PBRM1: variants seen among roughly 807,000 people sequenced by gnomAD.
PBRM1 encodes the protein polybromo 1, also known as protein polybromo-1.
In PBRM1, 27 loss-of-function variants were observed where a neutral mutation model predicts 194.5. That is an observed-to-expected ratio of 0.14 (90% CI 0.10 to 0.19). PBRM1 has a LOEUF of 0.19. Among genes scored for constraint, PBRM1 ranks in the 10% least tolerant of loss-of-function variants. The probability of loss-of-function intolerance (pLI) is 1.00; values close to 1 mark genes in which losing one functional copy is unlikely to be tolerated. For missense variants in PBRM1, 1,466 were observed against 2,077.2 expected, an observed-to-expected ratio of 0.71 and a Z score of 5.72; for synonymous variants, 655 against 693.2, an observed-to-expected ratio of 0.94 and a Z score of 0.87.
rs139020028 is a variant in PBRM1 at position 52,654,813 on chromosome 3, G to C, written c.646-3003C>G. On this transcript the variant is annotated intron_variant, in intron 5 of 29. Coordinates refer to ENST00000296302, the Ensembl canonical transcript of PBRM1. Reference sequence around the variant, plus strand: ...GAGCGAGAGAGAGAAAAAGAGACGGGGTCTCTTTCTGTTGCCTAGGTTGGA... The same window carrying C: ...GAGCGAGAGAGAGAAAAAGAGACGGCGTCTCTTTCTGTTGCCTAGGTTGGA... Among the ~76,000 whole-genome samples, 4 of 152,078 alleles carry C rather than the reference G, an allele frequency of 2.6e-5. No homozygotes were observed. In the East Asian group the frequency reaches 5.8e-4, roughly 22 times the overall value.
chr3:52,674,172 A>G (rs2097026731), intron 2 of PBRM1, among the ~76,000 whole-genome samples: 1 of 151,786 alleles, frequency 6.6e-6, no homozygotes, highest in Non-Finnish European at 1.5e-5. Flanking sequence ...ATTGGTAAAC[A>G]CTTAGCTAGA....
intron 22 of PBRM1, among the ~76,000 whole-genome samples, chr3:52,566,053 AC>A (rs1477402947): frequency 5.8e-5 from 4 of 68,930 alleles, no homozygotes; most frequent in Non-Finnish European, 1.2e-4. Flanking sequence ...CTGTCTCAAA[AC>A]AAAACAAAAC....
At chr3:52,602,463 G>C (rs1264182688) in intron 17 of PBRM1, among the ~76,000 whole-genome samples, 1 of 152,196 alleles carries the variant, frequency 6.6e-6, no homozygotes, top group Admixed American at 6.5e-5. Context: ...CTCTTCACCA[G>C]GTTCTTTTGC....
intron 20 of PBRM1, among the ~76,000 whole-genome samples, chr3:52,580,525 ATT>A (rs376107891): frequency 2.7e-5 from 4 of 149,310 alleles, no homozygotes; most frequent in African/African-American, 9.8e-5. Context: ...TGCCCAGCTA[ATT>A]TTTTTTTTGT....
intron 26 of PBRM1, among the ~76,000 whole-genome samples, chr3:52,555,550 C>T (rs1212541825): frequency 6.6e-6 from 1 of 152,184 alleles, no homozygotes; most frequent in African/African-American, 2.4e-5. Flanking sequence ...AACCTAAACA[C>T]TCCCAACCAA....
exon 9 of PBRM1, chr3:52,643,332 T>A: frequency 6.2e-7 from 1 of 1,611,880 alleles, no homozygotes; most frequent in Non-Finnish European, 8.5e-7. Context: ...TGCAGCCAAG[T>A]TGGATGGAGT....
chr3:52,662,164 C>A (rs781444225), exon 4 of PBRM1: 22 of 1,613,908 alleles, frequency 1.4e-5, no homozygotes, highest in Admixed American at 3.3e-5. Context: ...ATTGTCTTGC[C>A]CATCTTCATC....
chr3:52,665,635 G>T (rs1426727283), intron 3 of PBRM1, among the ~76,000 whole-genome samples: 1 of 152,188 alleles, frequency 6.6e-6, no homozygotes, highest in Non-Finnish European at 1.5e-5. Flanking sequence ...ATAGGAGTGT[G>T]AACCCTATTG....
At chr3:52,624,057 C>T (rs1473320542) in intron 13 of PBRM1, among the ~76,000 whole-genome samples, 2 of 152,186 alleles carry the variant, frequency 1.3e-5, no homozygotes, top group Non-Finnish European at 2.9e-5. Context: ...AGACATTCAA[C>T]TTTCAAGGGA....
In PBRM1 at chr3:52,569,505, C is replaced by T. The variant is rs534834059; in HGVS notation, c.3692-5272G>A. Among the ~76,000 whole-genome samples, 17 of 152,194 alleles carry T rather than the reference C, an allele frequency of 1.1e-4. No individual in the cohort carries two copies. The South Asian group carries it at 2.5e-3, about 22-fold the overall frequency. On this transcript the variant is annotated intron_variant, in intron 22 of 29. Transcript: ENST00000296302. Reference sequence around the variant, plus strand: ...GATTACAGGCATGAGCCACCGCGCCCGGCCTTCAATATGATTTTTAAAATG... The same window carrying T: ...GATTACAGGCATGAGCCACCGCGCCTGGCCTTCAATATGATTTTTAAAATG...
At chr3:52,551,572 C>T (rs1328788322) in intron 27 of PBRM1, among the ~76,000 whole-genome samples, 1 of 152,126 alleles carries the variant, frequency 6.6e-6, no homozygotes, top group Non-Finnish European at 1.5e-5. Context: ...CTCACAGGCA[C>T]AGCTGATAAT....
At chr3:52,670,424 T>C (rs902152649) in intron 2 of PBRM1, among the ~76,000 whole-genome samples, 4 of 152,268 alleles carry the variant, frequency 2.6e-5, no homozygotes, top group South Asian at 2.1e-4. Flanking sequence ...TGCATTTTTA[T>C]AGACATTCTT....
exon 5 of PBRM1, chr3:52,658,283 C>T (rs1202625014): frequency 1.9e-6 from 3 of 1,610,948 alleles, no homozygotes; most frequent in East Asian, 2.2e-5. Flanking sequence ...CAAGAAGCTG[C>T]TCCAGGATCT....
intron 7 of PBRM1, among the ~76,000 whole-genome samples, chr3:52,646,667 T>C (rs996754774): frequency 4.6e-5 from 7 of 152,186 alleles, no homozygotes; most frequent in African/African-American, 1.7e-4. Context: ...AAGAATAATC[T>C]TTTCTATATA....
chr3:52,643,730 G>A (rs143361759), intron 8 of PBRM1, among the ~76,000 whole-genome samples: 1 of 152,316 alleles, frequency 6.6e-6, no homozygotes, highest in Admixed American at 6.5e-5. Context: ...CCAGCACTTT[G>A]GGAGGCCGAG....
chr3:52,588,685 G>C (rs2153801401), intron 18 of PBRM1, among the ~76,000 whole-genome samples: 1 of 151,468 alleles, frequency 6.6e-6, no homozygotes, highest in East Asian at 2.0e-4. Context: ...CTCCCGAGTA[G>C]CTGGGACTAC....
intron 17 of PBRM1, among the ~76,000 whole-genome samples, chr3:52,591,078 T>C (rs1576301933): frequency 1.3e-5 from 2 of 152,324 alleles, no homozygotes; most frequent in East Asian, 3.9e-4. Flanking sequence ...TATTGGTGTA[T>C]AAGAATGATA....
exon 7 of PBRM1, chr3:52,648,391 C>T (rs776146971): frequency 1.2e-5 from 20 of 1,609,350 alleles, no homozygotes; most frequent in African/African-American, 2.7e-5. Context: ...GCATTTTTTG[C>T]GAGGAGATCT....
At chr3:52,624,634 A>G (rs1481286403) in intron 13 of PBRM1, among the ~76,000 whole-genome samples, 2 of 152,350 alleles carry the variant, frequency 1.3e-5, no homozygotes, top group East Asian at 3.9e-4. Flanking sequence ...AAACACAGCC[A>G]CAATGATTGG....
Sources: gnomAD v4.1 joint callset for allele counts (sites outside exome capture counted in the v4.1 genomes callset) on GRCh38, gnomAD v4.1.1 for gene constraint, MANE v1.5 for transcripts, NCBI Gene and HGNC (gene_info 2026-07-23, HGNC 2026-07-21) for gene names.